The following AIFM2 variants were observed in gnomAD, a reference collection of about 807,000 sequenced individuals.
AIFM2 encodes the protein AIF family member 2, ferroptosis suppressor, also known as ferroptosis suppressor protein 1.
In AIFM2, 38 loss-of-function variants were observed where a neutral mutation model predicts 35.7. The ratio of observed to expected loss-of-function variants is 1.06; its 90% confidence interval spans 0.82 to 1.39. AIFM2 has a LOEUF of 1.39. Ranked by LOEUF, AIFM2 falls within the 40% of genes most tolerant of loss-of-function variation. The pLI is 0.00. For missense variants in AIFM2, 476 were observed against 491.2 expected (o/e 0.97, Z 0.29); for synonymous variants, 185 against 203.5 (o/e 0.91, Z 0.77).
intron 1 of AIFM2, among the ~76,000 whole-genome samples, chr10:70,130,949 C>T (rs763445542): frequency 7.9e-5 from 12 of 152,178 alleles, no homozygotes; most frequent in Admixed American, 1.3e-4. Context: ...CACACACAAT[C>T]TGATTTACAC....
At position 70,113,054 on chromosome 10, in the gene AIFM2, C is replaced by T. The variant is rs1459894475; in HGVS notation, c.*1124G>A. 6.6e-6 allele frequency: 1 copy of T among 152,230 alleles called. No homozygotes were observed. The highest frequency in any genetic ancestry group is 1.5e-5 in the Non-Finnish European group (1 of 68,060). The allele number at this position is 152,230 out of a possible 1,614,324, so 9.4% of individuals were successfully genotyped here. ...TAATGGGTAAGCAGATGGCACCCCGCAAAGAGTCACATTATCTGCCCTTCC... is the reference window on the plus strand; with the variant it reads ...TAATGGGTAAGCAGATGGCACCCCGTAAAGAGTCACATTATCTGCCCTTCC... On this transcript the variant is annotated 3_prime_UTR_variant, in exon 9 of 9. Transcript: ENST00000307864.
In AIFM2 at chr10:70,113,052, C is replaced by T. The variant is rs1264796575; in HGVS notation, c.*1126G>A. The stretch of plus-strand genomic sequence containing the variant: ...GCTAATGGGTAAGCAGATGGCACCC[C>T]GCAAAGAGTCACATTATCTGCCCTT... On this transcript the variant is annotated 3_prime_UTR_variant, in exon 9 of 9. Transcript: ENST00000307864. The T allele has an allele frequency of 2.0e-5, 3 of 152,212 alleles. No homozygotes were observed. Among genetic ancestry groups the T allele is most frequent in the Non-Finnish European group, 2.9e-5 (2 of 68,052 alleles). The allele number at this position is 152,212 out of a possible 1,614,324, so 9.4% of individuals were successfully genotyped here.
chr10:70,114,854 A>G, intron 8 of AIFM2, 66 bp downstream of exon 8: 2 of 1,549,488 alleles, frequency 1.3e-6, no homozygotes, highest in East Asian at 2.3e-5. Context: ...GGATAGCCCA[A>G]AAAGGCTTCC....
At chr10:70,116,475 AC>A in intron 7 of AIFM2, 146 bp downstream of exon 7, 1 of 1,095,520 alleles carries the variant, frequency 9.1e-7, no homozygotes, top group Non-Finnish European at 1.3e-6. Context: ...GCAAGGGTGG[AC>A]CCTCACTGAA....
chr10:70,115,756 ACT>A (rs1354049237), intron 7 of AIFM2, among the ~76,000 whole-genome samples: 1 of 152,200 alleles, frequency 6.6e-6, no homozygotes, highest in Non-Finnish European at 1.5e-5. Context: ...ACAGAGCAAG[ACT>A]CTGTCTCAAA....
At chr10:70,118,261 C>G (rs569026719) in intron 5 of AIFM2, 179 of 214,694 alleles carry the variant, frequency 8.3e-4, no homozygotes, top group African/African-American at 3.9e-3. Context: ...GGCATTCCAA[C>G]AGTCAATCAG....
chr10:70,119,993 G>A (rs190312533), intron 5 of AIFM2, among the ~76,000 whole-genome samples: 239 of 152,346 alleles, frequency 1.6e-3, no homozygotes, highest in African/African-American at 5.5e-3. Context: ...ATTGCCCAGC[G>A]TGGGCAGAAA....
At chr10:70,116,897 A>C (rs1589846329) in intron 6 of AIFM2, 123 bp from the exon 7 acceptor site, 2 of 1,198,910 alleles carry the variant, frequency 1.7e-6, no homozygotes, top group South Asian at 2.7e-5. Context: ...CAATGGCTGC[A>C]CCCTGTCTTC....
chr10:70,114,973 A>G lies in AIFM2; in HGVS notation c.917T>C (p.Val306Ala). 6.2e-7 allele frequency: 1 copy of G among 1,614,200 alleles called. No homozygotes were observed. Among genetic ancestry groups the G allele is most frequent in the South Asian group, 1.1e-5 (1 of 91,082 alleles). The stretch of plus-strand genomic sequence containing the variant: ...CTTCACAGAGTTGACGATGTTGGCC[A>G]CGGCGATGTTGGCGTGGAGGCCGGC... The part of the protein sequence containing the change: ...YLAGLHANIA[V>A]ANIVNSVKQR... The change falls in exon 8 of 9, where the codon GTG becomes GCG. Residue 306 changes from valine (V) to alanine (A), a missense_variant. Coordinates refer to ENST00000307864, the MANE Select transcript of AIFM2 (RefSeq NM_032797.6).
At position 70,116,656 on chromosome 10, in the gene AIFM2, G is replaced by C. The variant is rs1383235556; in HGVS notation, c.735C>G (p.Ile245Met). The change falls in exon 7 of 9, where the codon ATC (isoleucine) becomes ATG (methionine). Residue 245 changes from isoleucine (I) to methionine (M), a missense_variant. Transcript: ENST00000307864. ...TGCGGTAGGCGGAGCTGTTGATCTT[G>C]ATGCCGGTGCAGAGAATCACCAGGT... ...ATNLVILCTGIKINSSAYRKA... is the reference protein window; with the variant it reads ...ATNLVILCTGMKINSSAYRKA... 2 of 1,614,076 alleles carry C rather than the reference G, an allele frequency of 1.2e-6. No homozygotes were observed. Among genetic ancestry groups the C allele is most frequent in the Admixed American group, 1.7e-5 (1 of 60,018 alleles).
In AIFM2 at chr10:70,123,390, C is replaced by G; in HGVS notation, c.294+15G>C. On this transcript the variant is annotated intron_variant, in intron 3 of 8. Coordinates refer to ENST00000307864, the MANE Select transcript of AIFM2 (RefSeq NM_032797.6). Reference sequence around the variant, plus strand: ...GCCCTTGAGCCAGCTGGCAGCCGGGCTGGCCCTCACTCACCTCGCCACCCT... The same window carrying G: ...GCCCTTGAGCCAGCTGGCAGCCGGGGTGGCCCTCACTCACCTCGCCACCCT... 6.2e-7 allele frequency: 1 copy of G among 1,610,574 alleles called. No homozygotes were observed.
intron 3 of AIFM2, among the ~76,000 whole-genome samples, chr10:70,121,492 C>T (rs1371136261): frequency 1.3e-5 from 2 of 152,004 alleles, no homozygotes; most frequent in East Asian, 3.9e-4. Context: ...CCCAGCATGG[C>T]AGTGGGAGGG....
rs767699559 is a variant in AIFM2 at position 70,113,930 on chromosome 10, G to C, written c.*248C>G. ...CCAGCACCATGCAGCCAGCACACAT[G>C]AGCCGCTCACCCAGTACCACAGCAA... On this transcript the variant is annotated 3_prime_UTR_variant, in exon 9 of 9. Transcript: ENST00000307864. The C allele has an allele frequency of 3.6e-5, 17 of 477,552 alleles. No individual in the cohort carries two copies. Among genetic ancestry groups the C allele is most frequent in the Non-Finnish European group, 6.0e-5 (16 of 268,838 alleles). The allele number at this position is 477,552 out of a possible 1,614,324, so 29.6% of individuals were successfully genotyped here.
In AIFM2 at chr10:70,117,826, A is replaced by G. The variant is rs901211721; in HGVS notation, c.602T>C (p.Val201Ala). The G allele has an allele frequency of 6.2e-7, 1 of 1,605,386 alleles. No individual in the cohort carries two copies. Among genetic ancestry groups the G allele is most frequent in the African/African-American group, 1.3e-5 (1 of 74,336 alleles). The stretch of plus-strand genomic sequence containing the variant: ...GGTGCACGTACTCAGCAGCAGCTGC[A>G]CGCCCTTCCGGAGGAGGATCTCCTT... Reference protein sequence around the residue: ...EVKEILLRKGVQLLLSERVSN... With the variant: ...EVKEILLRKGAQLLLSERVSN... The change falls in exon 6 of 9, where the codon GTG becomes GCG. Residue 201 changes from valine (V) to alanine (A), a missense_variant. Val to Ala is a moderately conservative substitution (Grantham distance 64). Coordinates refer to ENST00000307864, the MANE Select transcript of AIFM2 (RefSeq NM_032797.6). The surrounding 1 kb of genome is among the most constrained non-coding windows in gnomAD (Gnocchi z 4.7).
At chr10:70,123,798 G>T (rs1197331720) in intron 2 of AIFM2, 109 bp downstream of exon 2, 2 of 1,191,840 alleles carry the variant, frequency 1.7e-6, no homozygotes, top group Non-Finnish European at 2.3e-6. Context: ...ACAGTGGAAT[G>T]CAGGCACTTG....
At chr10:70,127,532 AG>A (rs2072582294) in intron 1 of AIFM2, among the ~76,000 whole-genome samples, 1 of 152,212 alleles carries the variant, frequency 6.6e-6, no homozygotes, top group Non-Finnish European at 1.5e-5. Flanking sequence ...AGGGGCCGAC[AG>A]ACAGACAGCC....
At chr10:70,126,677 C>T (rs1381923789) in intron 1 of AIFM2, among the ~76,000 whole-genome samples, 1 of 152,212 alleles carries the variant, frequency 6.6e-6, no homozygotes, top group Non-Finnish European at 1.5e-5. Context: ...CAAATCATCC[C>T]ACACTTATGG....
rs2072405363 is a variant in AIFM2 at position 70,114,105 on chromosome 10, G to A, written c.*73C>T. 7.9e-6 allele frequency: 12 copies of A among 1,520,750 alleles called. 1 individual carries two copies. The highest frequency in any genetic ancestry group is 1.7e-4 in the Middle Eastern group (1 of 5,730). 94.2% of individuals were successfully genotyped at this position (1,520,750 alleles called of 1,614,324 possible). ...AAGAATAGCATTAGTTCTAGCACTT[G>A]CCAGGCGGGTGCCATGCGCCAAGCA... On this transcript the variant is annotated 3_prime_UTR_variant, in exon 9 of 9. Coordinates refer to ENST00000307864, the MANE Select transcript of AIFM2 (RefSeq NM_032797.6).
chr10:70,120,631 A>G (rs761615932), intron 4 of AIFM2, 32 bp from the exon 5 acceptor site: 4 of 1,609,398 alleles, frequency 2.5e-6, no homozygotes, highest in Non-Finnish European at 3.4e-6. Context: ...ACAGGGACAT[A>G]TGAAACACAC....
Sources: gnomAD v4.1 joint callset for allele counts (sites outside exome capture counted in the v4.1 genomes callset) on GRCh38, gnomAD v4.1.1 for gene constraint, Gnocchi (gnomAD v3.1) non-coding constraint, MANE v1.5 for transcripts, NCBI Gene and HGNC (gene_info 2026-07-23, HGNC 2026-07-21) for gene names.